GRIK2: variants seen among roughly 807,000 people sequenced by gnomAD.
GRIK2 encodes the protein glutamate receptor ionotropic, kainate 2.
Under a neutral mutation model 100.3 loss-of-function variants are expected in GRIK2, and 32 were observed. The ratio of observed to expected loss-of-function variants is 0.32; its 90% CI spans 0.24 to 0.43. The LOEUF is 0.43. Among genes scored for constraint, GRIK2 ranks in the 20% least tolerant of loss-of-function variants. The probability of loss-of-function intolerance (pLI) is 1.00; values close to 1 mark genes in which losing one functional copy is unlikely to be tolerated. For missense variants in GRIK2, 843 were observed against 1,114.9 expected, an observed-to-expected ratio of 0.76 and a Z score of 3.47; for synonymous variants, 417 against 389.4, an observed-to-expected ratio of 1.07 and a Z score of -0.83.
chr6:102,024,613 T>C (rs1412099441), intron 14 of GRIK2, among the ~76,000 whole-genome samples: 1 of 151,380 alleles, frequency 6.6e-6, no homozygotes. Flanking sequence ...AATGTGTGAT[T>C]TAGAAGTAGG....
intron 3 of GRIK2, among the ~76,000 whole-genome samples, chr6:101,624,887 AT>A (rs1780358545): frequency 6.6e-6 from 1 of 152,080 alleles, no homozygotes; most frequent in Admixed American, 6.6e-5. Flanking sequence ...ACACAGCACC[AT>A]GCCCAGCTGA....
rs1262866553 is a variant in GRIK2, at chr6:101,816,976, A to G, written c.1204-1394A>G. The stretch of plus-strand genomic sequence containing the variant: ...AGATTTAAAAATTGCACATACTTGC[A>G]TAGAAATTCTTACTACGGCCCTGTA... On this transcript the variant is annotated intron_variant, in intron 9 of 16. Transcript: ENST00000369134. 2.6e-5 allele frequency among the ~76,000 whole-genome samples: 4 copies of G among 152,194 alleles called. No homozygotes were observed. The East Asian group carries it at 7.7e-4, about 29-fold the overall frequency.
At chr6:101,702,844 C>T (rs1014055636) in intron 7 of GRIK2, among the ~76,000 whole-genome samples, 1 of 151,768 alleles carries the variant, frequency 6.6e-6, no homozygotes, top group African/African-American at 2.4e-5. Flanking sequence ...CAATTGCAAA[C>T]TTCTTGAGAT....
intron 7 of GRIK2, among the ~76,000 whole-genome samples, chr6:101,778,727 C>T (rs539134185): frequency 1.3e-5 from 2 of 152,136 alleles, no homozygotes; most frequent in East Asian, 1.9e-4. Context: ...TGTATTTGTA[C>T]ATAGTTTGGA....
intron 2 of GRIK2, among the ~76,000 whole-genome samples, chr6:101,509,281 C>T (rs1285680711): frequency 6.6e-6 from 1 of 151,892 alleles, no homozygotes; most frequent in Admixed American, 6.6e-5. Context: ...TGTCTAAATC[C>T]AGGATAGTGC....
At chr6:101,860,620 A>T (rs1353163729) in intron 11 of GRIK2, among the ~76,000 whole-genome samples, 1 of 152,168 alleles carries the variant, frequency 6.6e-6, no homozygotes, top group Non-Finnish European at 1.5e-5. Flanking sequence ...TCTAACAGGC[A>T]AAATAAGGAA....
chr6:101,412,359 A>G (rs529570986), intron 2 of GRIK2, among the ~76,000 whole-genome samples: 21 of 152,068 alleles, frequency 1.4e-4, no homozygotes, highest in Non-Finnish European at 3.1e-4. Context: ...GGTGAAACAC[A>G]TACGTTTGTT....
At chr6:101,945,323 T>C (rs1006872507) in intron 14 of GRIK2, among the ~76,000 whole-genome samples, 1 of 152,180 alleles carries the variant, frequency 6.6e-6, no homozygotes, top group South Asian at 2.1e-4. Context: ...ATAATTTTTA[T>C]ATTGAGAATG....
chr6:101,649,098 G>A (rs907779688), intron 4 of GRIK2, among the ~76,000 whole-genome samples: 4 of 152,054 alleles, frequency 2.6e-5, no homozygotes, highest in African/African-American at 9.7e-5. Context: ...TGGGGACACA[G>A]CCAAACCATA....
intron 16 of GRIK2, among the ~76,000 whole-genome samples, chr6:102,059,055 T>A (rs907563830): frequency 6.6e-6 from 1 of 151,156 alleles, no homozygotes; most frequent in Non-Finnish European, 1.5e-5. Flanking sequence ...TGAAAACAAA[T>A]AGCTCTTGAT....
chr6:101,712,104 TTA>T (rs1472274322), intron 7 of GRIK2, among the ~76,000 whole-genome samples: 3 of 151,844 alleles, frequency 2.0e-5, no homozygotes, highest in African/African-American at 7.2e-5. Context: ...GAACTTTTAA[TTA>T]TAATTTAAAA....
At position 101,851,383 on chromosome 6, in the gene GRIK2, A is replaced by G. The variant is rs181054854; in HGVS notation, c.1318-7904A>G. 9.9e-5 allele frequency among the ~76,000 whole-genome samples: 15 copies of G among 152,028 alleles called. No homozygotes were observed. In the East Asian group the frequency reaches 2.9e-3, roughly 29 times the overall value. On this transcript the variant is annotated intron_variant, in intron 10 of 16. Transcript: ENST00000369134. ...CATATATCCCTCATATGCTTCACAGACTCCTAACACCAACTTTGATTATAT... is the reference window on the plus strand; with the variant it reads ...CATATATCCCTCATATGCTTCACAGGCTCCTAACACCAACTTTGATTATAT...
intron 2 of GRIK2, among the ~76,000 whole-genome samples, chr6:101,609,690 A>G (rs1160055181): frequency 1.3e-5 from 2 of 151,896 alleles, no homozygotes; most frequent in Non-Finnish European, 2.9e-5. Flanking sequence ...CCAAACATTT[A>G]TTAAAAACTC....
At chr6:101,746,909 A>G (rs1048538649) in intron 7 of GRIK2, among the ~76,000 whole-genome samples, 4 of 152,164 alleles carry the variant, frequency 2.6e-5, no homozygotes, top group East Asian at 1.9e-4. Context: ...GTGTTCTCCT[A>G]TGAATGCTTT....
chr6:101,759,345 G>T (rs997922054), intron 7 of GRIK2, among the ~76,000 whole-genome samples: 1 of 151,794 alleles, frequency 6.6e-6, no homozygotes, highest in Non-Finnish European at 1.5e-5. Context: ...TTTTTTGTAG[G>T]GGTTGTAAAA....
intron 4 of GRIK2, among the ~76,000 whole-genome samples, chr6:101,643,364 G>GT (rs1282224213): frequency 2.0e-5 from 3 of 151,158 alleles, no homozygotes; most frequent in African/African-American, 7.3e-5. Flanking sequence ...TTACATTTAG[G>GT]TTTTTTATGT....
chr6:101,876,517 A>G (rs1785858978), intron 11 of GRIK2, among the ~76,000 whole-genome samples: 1 of 151,290 alleles, frequency 6.6e-6, no homozygotes, highest in South Asian at 2.1e-4. Context: ...ACACACACAC[A>G]CAAAACCTCA....
At chr6:101,787,005 C>G (rs1439944579) in intron 7 of GRIK2, among the ~76,000 whole-genome samples, 1 of 151,666 alleles carries the variant, frequency 6.6e-6, no homozygotes, top group East Asian at 1.9e-4. Flanking sequence ...CTCTTATTAG[C>G]CTGTTCAGTT....
intron 2 of GRIK2, among the ~76,000 whole-genome samples, chr6:101,505,678 G>A (rs1773984966): frequency 6.6e-6 from 1 of 151,040 alleles, no homozygotes; most frequent in African/African-American, 2.4e-5. Context: ...GAGAAATTGG[G>A]GACGAGAGAA....
Sources: allele counts gnomAD v4.1 joint callset (sites outside exome capture counted in the v4.1 genomes callset), GRCh38; gene constraint gnomAD v4.1.1; transcripts MANE v1.5; gene names NCBI Gene and HGNC (gene_info 2026-07-23, HGNC 2026-07-21).